TDRD3: variants seen among roughly 807,000 people sequenced by gnomAD.
The protein encoded by TDRD3 is tudor domain containing 3, also known as tudor domain-containing protein 3.
Under a neutral mutation model 86.7 loss-of-function variants are expected in TDRD3, and 45 were observed. The observed-to-expected ratio is 0.52, with a 90% CI of 0.41 to 0.67. The LOEUF (loss-of-function observed/expected upper bound fraction) is 0.67. TDRD3 is among the 30% of genes least tolerant of loss of function. TDRD3 has a pLI of 0.00. For synonymous variants in TDRD3, 298 were observed against 301.7 expected, an observed-to-expected ratio of 0.99 and a Z score of 0.13; for missense variants, 814 against 889.0, an observed-to-expected ratio of 0.92 and a Z score of 1.07.
At chr13:60,428,299 GT>G (rs1954861696) in intron 1 of TDRD3, among the ~76,000 whole-genome samples, 1 of 151,354 alleles carries the variant, frequency 6.6e-6, no homozygotes, top group South Asian at 2.1e-4. Flanking sequence ...TCTAAATAAA[GT>G]AACATTCACA....
intron 1 of TDRD3, among the ~76,000 whole-genome samples, chr13:60,398,203 A>G (rs1307461714): frequency 6.6e-6 from 1 of 152,222 alleles, no homozygotes; most frequent in Non-Finnish European, 1.5e-5. Context: ...AGGCTTGCAC[A>G]GGCACATTCT....
intron 10 of TDRD3, among the ~76,000 whole-genome samples, chr13:60,514,287 C>T (rs1185288126): frequency 6.6e-6 from 1 of 152,284 alleles, no homozygotes; most frequent in East Asian, 1.9e-4. Context: ...GCAAAGCATT[C>T]AAGATGTGAC....
In TDRD3 at chr13:60,405,423, T is replaced by C. The variant is rs763410858; in HGVS notation, c.41+8018T>C. The stretch of plus-strand genomic sequence containing the variant: ...GAGAAGAGACATCATTCCAAATGCA[T>C]GTACTAAGGGGGAATTAGCCTTTTC... On this transcript the variant is annotated intron_variant, in intron 1 of 13. Coordinates refer to ENST00000377881, the MANE Select transcript of TDRD3 (RefSeq NM_001146070.2). 3.3e-5 allele frequency among the ~76,000 whole-genome samples: 5 copies of C among 152,072 alleles called. 1 individual carries two copies. Among genetic ancestry groups the C allele is most frequent in the Non-Finnish European group, 5.9e-5 (4 of 68,002 alleles).
chr13:60,501,148 C>G (rs1449479443), intron 8 of TDRD3, among the ~76,000 whole-genome samples: 1 of 152,210 alleles, frequency 6.6e-6, no homozygotes, highest in Non-Finnish European at 1.5e-5. Flanking sequence ...CACTCACTAT[C>G]TGCCTAAGTA....
At chr13:60,559,050 T>A (rs1958272476) in intron 12 of TDRD3, among the ~76,000 whole-genome samples, 1 of 151,778 alleles carries the variant, frequency 6.6e-6, no homozygotes, top group Non-Finnish European at 1.5e-5. Flanking sequence ...AATCTATCAG[T>A]CTATTTAGTT....
chr13:60,423,785 T>C (rs1954723946), intron 1 of TDRD3, among the ~76,000 whole-genome samples: 1 of 152,222 alleles, frequency 6.6e-6, no homozygotes, highest in African/African-American at 2.4e-5. Flanking sequence ...TTATGTGGTA[T>C]ATTTAAAGCA....
intron 1 of TDRD3, among the ~76,000 whole-genome samples, chr13:60,429,380 TTAAA>T (rs1954896154): frequency 6.6e-6 from 1 of 152,182 alleles, no homozygotes; most frequent in African/African-American, 2.4e-5. Context: ...TTGAATGACA[TTAAA>T]TAAATTTTAA....
intron 12 of TDRD3, among the ~76,000 whole-genome samples, chr13:60,560,712 AGATGATTTCAT>A (rs1349990960): frequency 4.6e-5 from 7 of 152,238 alleles, no homozygotes; most frequent in African/African-American, 9.6e-5. Flanking sequence ...TTAGGTATTC[AGATGATTTCAT>A]GATATCCTGT....
At chr13:60,556,112 C>T (rs1958179101) in intron 12 of TDRD3, among the ~76,000 whole-genome samples, 1 of 152,174 alleles carries the variant, frequency 6.6e-6, no homozygotes, top group South Asian at 2.1e-4. Context: ...TCCCAAAGTG[C>T]TGGGATTACA....
intron 8 of TDRD3, among the ~76,000 whole-genome samples, chr13:60,508,622 G>A (rs945547872): frequency 1.3e-5 from 2 of 152,116 alleles, no homozygotes; most frequent in African/African-American, 2.4e-5. Flanking sequence ...ATTAACTCAA[G>A]ATGGATTAAA....
intron 5 of TDRD3, among the ~76,000 whole-genome samples, chr13:60,469,403 T>C (rs1174670569): frequency 6.6e-6 from 1 of 151,700 alleles, no homozygotes; most frequent in African/African-American, 2.4e-5. Flanking sequence ...TAAACATTCC[T>C]AGTAACCTTC....
At chr13:60,413,368 T>C (rs1954413073) in intron 1 of TDRD3, among the ~76,000 whole-genome samples, 1 of 152,194 alleles carries the variant, frequency 6.6e-6, no homozygotes, top group Non-Finnish European at 1.5e-5. Context: ...TTTACGAGCA[T>C]GGGCTCTTGA....
intron 12 of TDRD3, chr13:60,536,060 C>T (rs796303113): frequency 1.8e-4 from 28 of 151,900 alleles, no homozygotes; most frequent in African/African-American, 6.3e-4. Flanking sequence ...TTATATCATC[C>T]AGAGTAACTT....
intron 1 of TDRD3, among the ~76,000 whole-genome samples, chr13:60,401,650 G>A (rs1954105443): frequency 6.6e-6 from 1 of 152,194 alleles, no homozygotes; most frequent in East Asian, 1.9e-4. Context: ...TAACACCCAG[G>A]TGTTAGCCAT....
Position 60,562,638 on chromosome 13 carries a change from A to G in TDRD3, c.2119-4887A>G, listed in dbSNP as rs564090466. Reference sequence around the variant, plus strand: ...GGAGATATGTACTCATTAACATTTCATGGTTCAAAATATCCTCAATTTCAA... The same window carrying G: ...GGAGATATGTACTCATTAACATTTCGTGGTTCAAAATATCCTCAATTTCAA... On this transcript the variant is annotated intron_variant, in intron 12 of 13. Coordinates refer to ENST00000377881, the MANE Select transcript of TDRD3 (RefSeq NM_001146070.2). Among the ~76,000 whole-genome samples, 7 of 152,306 alleles carry G rather than the reference A, an allele frequency of 4.6e-5. No homozygotes were observed. In the South Asian group the frequency reaches 6.2e-4, roughly 14 times the overall value.
chr13:60,544,522 C>T (rs1040034519), intron 12 of TDRD3, among the ~76,000 whole-genome samples: 2 of 151,378 alleles, frequency 1.3e-5, no homozygotes, highest in Non-Finnish European at 2.9e-5. Flanking sequence ...GGTATGTGTA[C>T]ATTTTTAAAT....
chr13:60,536,427 CTTTCT>C (rs1363525946), intron 12 of TDRD3: 2 of 152,010 alleles, frequency 1.3e-5, no homozygotes, highest in Non-Finnish European at 2.9e-5. Flanking sequence ...TAATTTACAT[CTTTCT>C]TTTCTTGGAG....
At chr13:60,406,776 C>T (rs1024142662) in intron 1 of TDRD3, among the ~76,000 whole-genome samples, 1 of 152,130 alleles carries the variant, frequency 6.6e-6, no homozygotes, top group Non-Finnish European at 1.5e-5. Context: ...CTCAGAGCAC[C>T]TTTTAAAACA....
At chr13:60,446,643 T>C (rs1955405886) in intron 3 of TDRD3, among the ~76,000 whole-genome samples, 1 of 152,176 alleles carries the variant, frequency 6.6e-6, no homozygotes, top group Non-Finnish European at 1.5e-5. Context: ...AATAAACATT[T>C]TAGAAGCTGG....
Sources: allele counts gnomAD v4.1 joint callset (sites outside exome capture counted in the v4.1 genomes callset), GRCh38; gene constraint gnomAD v4.1.1; transcripts MANE v1.5; gene names NCBI Gene and HGNC (gene_info 2026-07-23, HGNC 2026-07-21).